The following NREP variants were observed in gnomAD, a reference collection of about 807,000 sequenced individuals.
NREP encodes the protein neuronal regeneration related protein.
A neutral mutation model predicts 8.6 loss-of-function variants in NREP; 5 were observed. The ratio of observed to expected loss-of-function variants is 0.58; its 90% CI spans 0.30 to 1.22. The LOEUF (loss-of-function observed/expected upper bound fraction) is 1.22, where lower values mean the gene tolerates loss of function less well. Among genes scored for constraint, NREP ranks in the 50% most tolerant of loss-of-function variants. The pLI is 0.07. For synonymous variants in NREP, 27 were observed against 28.0 expected (o/e 0.96, Z 0.11); for missense variants, 86 against 82.5 (o/e 1.04, Z -0.17).
intron 2 of NREP, among the ~76,000 whole-genome samples, chr5:111,896,959 A>G (rs778933778): frequency 6.6e-6 from 1 of 152,216 alleles, no homozygotes; most frequent in Admixed American, 6.5e-5. Context: ...TCAACATTCA[A>G]AACAGTTTAT....
intron 2 of NREP, among the ~76,000 whole-genome samples, chr5:111,781,816 G>C (rs756263188): frequency 6.6e-6 from 1 of 152,028 alleles, no homozygotes; most frequent in African/African-American, 2.4e-5. Flanking sequence ...AAAGGCTATC[G>C]GGGCCAAGGG....
intron 2 of NREP, among the ~76,000 whole-genome samples, chr5:111,933,439 T>C (rs538540755): frequency 5.3e-5 from 8 of 152,198 alleles, no homozygotes; most frequent in Non-Finnish European, 1.0e-4. Context: ...TTTTAGAAGA[T>C]GGGATTCTAA....
chr5:111,968,208 T>C (rs1315631533), intron 2 of NREP, among the ~76,000 whole-genome samples: 2 of 152,020 alleles, frequency 1.3e-5, no homozygotes, highest in Non-Finnish European at 2.9e-5. Flanking sequence ...ATTCATGCCT[T>C]TTTAAAAATC....
At chr5:111,970,686 C>T (rs1756787954) in intron 2 of NREP, among the ~76,000 whole-genome samples, 1 of 151,964 alleles carries the variant, frequency 6.6e-6, no homozygotes, top group Non-Finnish European at 1.5e-5. Flanking sequence ...AGTAGCTGGG[C>T]ATGGTGGCAT....
intron 2 of NREP, among the ~76,000 whole-genome samples, chr5:111,888,976 G>T (rs1293242299): frequency 2.0e-5 from 3 of 152,234 alleles, no homozygotes; most frequent in Non-Finnish European, 4.4e-5. Context: ...AAAATGAAAT[G>T]ATGTCTATGG....
chr5:111,769,727 T>C (rs913766585), intron 2 of NREP, among the ~76,000 whole-genome samples: 2 of 152,126 alleles, frequency 1.3e-5, no homozygotes, highest in Admixed American at 1.3e-4. Context: ...CTTACTATGG[T>C]GGAGCAGGAG....
intron 2 of NREP, among the ~76,000 whole-genome samples, chr5:111,772,228 A>G (rs1325622039): frequency 6.6e-6 from 1 of 152,168 alleles, no homozygotes; most frequent in Admixed American, 6.5e-5. Flanking sequence ...GACTTGTAAA[A>G]TTATCATCTC....
rs183956586 is a variant in NREP at position 111,951,585 on chromosome 5, T to C, written c.135+23689A>G. Among the ~76,000 whole-genome samples, 3 of 152,220 alleles carry C rather than the reference T, an allele frequency of 2.0e-5. No individual in the cohort carries two copies. In the East Asian group the frequency reaches 5.8e-4, roughly 30 times the overall value. On this transcript the variant is annotated intron_variant, in intron 2 of 3. Transcript: ENST00000395634. ...CTTTTGCAGAAAAAGTTTGTCAACT[T>C]CTACTTTAGGGTATAAACTTAGCAG...
chr5:111,763,293 A>C (rs1287685257), intron 2 of NREP, among the ~76,000 whole-genome samples: 1 of 152,220 alleles, frequency 6.6e-6, no homozygotes, highest in Non-Finnish European at 1.5e-5. Flanking sequence ...AAATAGATGT[A>C]AACTTAGCAA....
At chr5:111,922,369 G>T (rs763590242) in intron 2 of NREP, among the ~76,000 whole-genome samples, 8 of 152,092 alleles carry the variant, frequency 5.3e-5, no homozygotes, top group Non-Finnish European at 1.0e-4. Context: ...AGTCCAAAGC[G>T]GGGAATTATT....
At chr5:111,819,765 A>G (rs1752474965) in intron 2 of NREP, among the ~76,000 whole-genome samples, 1 of 152,222 alleles carries the variant, frequency 6.6e-6, no homozygotes. Context: ...ATAGCATTAT[A>G]TCTCAAGCCT....
chr5:111,976,295 T>A lies in NREP; in HGVS notation c.30+415A>T, dbSNP rs147312329. On this transcript the variant is annotated intron_variant, in intron 1 of 3. Transcript: ENST00000395634. ...TTTGTTCTATGGCATCTCTGACATTTTAAGAGGTATAGGTTCTACAGCCAA... is the reference window on the plus strand; with the variant it reads ...TTTGTTCTATGGCATCTCTGACATTATAAGAGGTATAGGTTCTACAGCCAA... Among the ~76,000 whole-genome samples, 6 of 152,356 alleles carry A rather than the reference T, an allele frequency of 3.9e-5. No homozygotes were observed. In the East Asian group the frequency reaches 1.2e-3, roughly 29 times the overall value.
At position 111,742,533 on chromosome 5, in the gene NREP, T is replaced by A. The variant is rs936094620; in HGVS notation, c.4-7026A>T. Among the ~76,000 whole-genome samples, 6 of 152,148 alleles carry A rather than the reference T, an allele frequency of 3.9e-5. No homozygotes were observed. The East Asian group carries it at 1.2e-3, about 29-fold the overall frequency. The stretch of plus-strand genomic sequence containing the variant: ...CTGCTTGTTTGGCTGCTGAGTGTTT[T>A]AAAATTTCATTTCTAAGAATAATAG... On this transcript the variant is annotated intron_variant, in intron 2 of 3. Coordinates refer to ENST00000257435, the MANE Select transcript of NREP (RefSeq NM_004772.4).
At chr5:111,771,462 C>A in intron 2 of NREP, among the ~76,000 whole-genome samples, 1 of 144,882 alleles carries the variant, frequency 6.9e-6, no homozygotes, top group African/African-American at 2.6e-5. Flanking sequence ...CACACACACA[C>A]ACATATGCAC....
chr5:111,871,053 CGTGTGTGT>C (rs34667486), intron 2 of NREP, among the ~76,000 whole-genome samples: 8 of 142,700 alleles, frequency 5.6e-5, no homozygotes, highest in Middle Eastern at 3.5e-3. Context: ...GAACCAATGG[CGTGTGTGT>C]GTGTGTGTGT....
intron 2 of NREP, among the ~76,000 whole-genome samples, chr5:111,808,732 C>G (rs1752200404): frequency 6.6e-6 from 1 of 152,120 alleles, no homozygotes; most frequent in Non-Finnish European, 1.5e-5. Context: ...GGGTAACCCT[C>G]TGATGTGCTA....
chr5:111,904,791 C>G (rs1438145908), intron 2 of NREP, among the ~76,000 whole-genome samples: 1 of 152,026 alleles, frequency 6.6e-6, no homozygotes, highest in Non-Finnish European at 1.5e-5. Context: ...TTTTTCCTTC[C>G]CTTCTCTGTT....
At chr5:111,913,223 A>T (rs922952997) in intron 2 of NREP, among the ~76,000 whole-genome samples, 1 of 152,116 alleles carries the variant, frequency 6.6e-6, no homozygotes, top group Non-Finnish European at 1.5e-5. Flanking sequence ...CATGGATCCC[A>T]TGTCACTCTA....
intron 2 of NREP, among the ~76,000 whole-genome samples, chr5:111,855,755 T>G (rs563433962): frequency 1.2e-4 from 19 of 152,122 alleles, no homozygotes; most frequent in African/African-American, 4.6e-4. Flanking sequence ...TGATCCCACA[T>G]GCAAAGCCAC....
Sources: allele counts gnomAD v4.1 joint callset (sites outside exome capture counted in the v4.1 genomes callset), GRCh38; gene constraint gnomAD v4.1.1; transcripts MANE v1.5; gene names NCBI Gene and HGNC (gene_info 2026-07-23, HGNC 2026-07-21).